The following PCCA variants were observed in gnomAD, a reference collection of about 807,000 sequenced individuals.
PCCA encodes propionyl-CoA carboxylase alpha chain, mitochondrial.
In PCCA, 74 loss-of-function variants were observed where a neutral mutation model predicts 101.3. The ratio of observed to expected loss-of-function variants is 0.73; its 90% CI spans 0.61 to 0.89. The LOEUF is 0.89. Ranked by LOEUF, PCCA falls within the 40% of genes least tolerant of loss-of-function variation. The pLI, the probability that PCCA is intolerant of heterozygous loss-of-function variation, is 0.00. For synonymous variants in PCCA, 294 were observed against 313.6 expected (o/e 0.94, Z 0.66); for missense variants, 891 against 907.0 (o/e 0.98, Z 0.23).
At chr13:100,223,160 CTT>C (rs112926284) in intron 7 of PCCA, among the ~76,000 whole-genome samples, 1 of 143,436 alleles carries the variant, frequency 7.0e-6, no homozygotes, top group Non-Finnish European at 1.5e-5. Flanking sequence ...GGGATCACAG[CTT>C]TTTTTTTTTT....
intron 7 of PCCA, among the ~76,000 whole-genome samples, chr13:100,222,573 G>T (rs1194190894): frequency 6.6e-6 from 1 of 152,118 alleles, no homozygotes; most frequent in Non-Finnish European, 1.5e-5. Context: ...GAGTATCTAT[G>T]CAGATAGAAG....
chr13:100,364,764 G>C (rs2074997484), intron 18 of PCCA, among the ~76,000 whole-genome samples: 1 of 152,130 alleles, frequency 6.6e-6, no homozygotes, highest in Non-Finnish European at 1.5e-5. Flanking sequence ...GAAATTGTTA[G>C]AAAAAGGCTG....
chr13:100,514,465 T>G (rs928335998), intron 21 of PCCA, among the ~76,000 whole-genome samples: 3 of 152,240 alleles, frequency 2.0e-5, no homozygotes, highest in Non-Finnish European at 2.9e-5. Flanking sequence ...CACTGCTGCT[T>G]CTTTCTTACC....
chr13:100,402,083 T>C (rs1331192158), intron 19 of PCCA, among the ~76,000 whole-genome samples: 3 of 152,196 alleles, frequency 2.0e-5, no homozygotes, highest in African/African-American at 7.2e-5. Context: ...AAGTGCATAA[T>C]AGAGTCCTTT....
At chr13:100,155,187 T>C (rs1334499299) in intron 5 of PCCA, 95 bp downstream of exon 5, 1 of 847,350 alleles carries the variant, frequency 1.2e-6, no homozygotes, top group African/African-American at 1.7e-5. Flanking sequence ...GAAAGAATGA[T>C]TGAAAATGCT....
At position 100,529,273 on chromosome 13, in the gene PCCA, C is replaced by T. The variant is rs145602045; in HGVS notation, c.2119-825C>T. 1.7e-4 allele frequency among the ~76,000 whole-genome samples: 26 copies of T among 152,316 alleles called. No homozygotes were observed. The East Asian group carries it at 3.9e-3, about 23-fold the overall frequency. On this transcript the variant is annotated intron_variant, in intron 23 of 23. Transcript: ENST00000376285. ...GGTCATCGCTGCATCACTAACACTG[C>T]GTCCTCTAGTAGGGCTGCTAAATGG...
rs1429067367 is a variant in PCCA, at chr13:100,263,312, GAA to G, written c.819+482_819+483del. Among the ~76,000 whole-genome samples the G allele has an allele frequency of 4.6e-5, 7 of 152,266 alleles. No individual in the cohort carries two copies. The East Asian group carries it at 1.3e-3, about 29-fold the overall frequency. ...AAACGGGGAAGAAGACAAGTCTGTTGAAGTTTTCATTTGCCTGTTGAAAATGC... is the reference window on the plus strand; with the variant it reads ...AAACGGGGAAGAAGACAAGTCTGTTGGTTTTCATTTGCCTGTTGAAAATGC... On this transcript the variant is annotated intron_variant, in intron 10 of 23. Coordinates refer to ENST00000376285, the MANE Select transcript of PCCA (RefSeq NM_000282.4).
chr13:100,381,062 T>C (rs942541947), intron 19 of PCCA, among the ~76,000 whole-genome samples: 1 of 152,172 alleles, frequency 6.6e-6, no homozygotes, highest in Non-Finnish European at 1.5e-5. Context: ...ACCCACTACA[T>C]AGCTCTACTT....
chr13:100,268,422 T>A (rs563785035), intron 10 of PCCA: 2 of 488,430 alleles, frequency 4.1e-6, no homozygotes, highest in Non-Finnish European at 7.5e-6. Flanking sequence ...TTTGTACAAC[T>A]GATTCTGATG....
chr13:100,153,653 G>A (rs1007702738), intron 4 of PCCA, among the ~76,000 whole-genome samples: 2 of 152,136 alleles, frequency 1.3e-5, no homozygotes, highest in African/African-American at 4.8e-5. Context: ...GGGCAGAAGA[G>A]CAACTTGAGG....
At chr13:100,397,805 C>T (rs970305619) in intron 19 of PCCA, among the ~76,000 whole-genome samples, 11 of 151,990 alleles carry the variant, frequency 7.2e-5, no homozygotes, top group African/African-American at 1.9e-4. Context: ...GTGTGACTGT[C>T]GTTCAGAACA....
chr13:100,428,274 C>A (rs1297764434), intron 20 of PCCA, among the ~76,000 whole-genome samples: 1 of 151,758 alleles, frequency 6.6e-6, no homozygotes, highest in South Asian at 2.1e-4. Context: ...CACTATGTTG[C>A]CCAGGCTGGT....
intron 18 of PCCA, among the ~76,000 whole-genome samples, chr13:100,367,122 G>A (rs1470983725): frequency 6.6e-6 from 1 of 152,088 alleles, no homozygotes; most frequent in African/African-American, 2.4e-5. Flanking sequence ...TACTTCACAA[G>A]TATAAATATG....
At chr13:100,234,209 A>G (rs909636529) in intron 7 of PCCA, among the ~76,000 whole-genome samples, 2 of 152,196 alleles carry the variant, frequency 1.3e-5, no homozygotes, top group Non-Finnish European at 2.9e-5. Flanking sequence ...AAGGGGAAGT[A>G]TTCTCCAATA....
chr13:100,295,550 C>T (rs34909389), intron 12 of PCCA, among the ~76,000 whole-genome samples: 3,312 of 152,328 alleles, frequency 0.022, 58 homozygotes, highest in Non-Finnish European at 0.034. Flanking sequence ...TCTCTCACCA[C>T]ACCATATCTT....
intron 6 of PCCA, among the ~76,000 whole-genome samples, chr13:100,192,610 G>C (rs541390645): frequency 6.6e-6 from 1 of 152,358 alleles, no homozygotes; most frequent in East Asian, 1.9e-4. Context: ...AGGAGGCTGA[G>C]GCGGGAGGAT....
intron 6 of PCCA, among the ~76,000 whole-genome samples, chr13:100,202,178 A>AAG (rs1364163453): frequency 6.6e-6 from 1 of 151,184 alleles, no homozygotes; most frequent in East Asian, 1.9e-4. Flanking sequence ...CAAAAAAAAA[A>AAG]AAAAAAAAAA....
chr13:100,431,821 G>A (rs189497777), intron 20 of PCCA, among the ~76,000 whole-genome samples: 30 of 151,984 alleles, frequency 2.0e-4, no homozygotes, highest in Admixed American at 3.3e-4. Context: ...AGCTGAGATC[G>A]CGCCACTGCA....
intron 14 of PCCA, among the ~76,000 whole-genome samples, chr13:100,304,541 A>G (rs1355405011): frequency 1.3e-5 from 2 of 152,172 alleles, no homozygotes; most frequent in Non-Finnish European, 2.9e-5. Context: ...TCAGGTAGAC[A>G]TGGCGGGCTG....
Sources: allele counts gnomAD v4.1 joint callset (sites outside exome capture counted in the v4.1 genomes callset), GRCh38; gene constraint gnomAD v4.1.1; transcripts MANE v1.5; gene names NCBI Gene and HGNC (gene_info 2026-07-23, HGNC 2026-07-21).